Variants in KCNG3 observed in about 807,000 individuals in gnomAD.
The protein encoded by KCNG3 is potassium voltage-gated channel modifier subfamily G member 3.
Under a neutral mutation model 29.0 loss-of-function variants are expected in KCNG3, and 15 were observed. The observed-to-expected ratio is 0.52, with a 90% CI of 0.35 to 0.80. The LOEUF (loss-of-function observed/expected upper bound fraction) is 0.80, where lower values mean the gene tolerates loss of function less well. KCNG3 is among the 30% of genes least tolerant of loss of function. The pLI, the probability that KCNG3 is intolerant of heterozygous loss-of-function variation, is 0.01. For synonymous variants in KCNG3, 322 were observed against 248.9 expected, an observed-to-expected ratio of 1.29 and a Z score of -2.76; for missense variants, 512 against 605.7, an observed-to-expected ratio of 0.85 and a Z score of 1.62.
intron 1 of KCNG3, among the ~76,000 whole-genome samples, chr2:42,447,405 T>G (rs919674733): frequency 1.3e-4 from 20 of 152,308 alleles, no homozygotes; most frequent in Admixed American, 1.2e-3. Flanking sequence ...TCCAAATCAG[T>G]AAATAGAGAG....
Position 42,493,445 on chromosome 2 carries a change from C to T in KCNG3, c.57G>A (p.Arg19=). Residue 19 remains arginine, a synonymous_variant, in exon 1 of 2, where the codon CGG becomes CGA. Transcript: ENST00000306078. The part of the protein sequence containing the change: ...ASVVLNVGGA[R]YSLSRELLKD... The stretch of plus-strand genomic sequence containing the variant: ...TCAGCAGCTCCCGGGACAGCGAATA[C>T]CGGGCGCCGCCCACGTTCAGCACCA... The T allele has an allele frequency of 6.8e-7, 1 of 1,468,004 alleles. No individual in the cohort carries two copies. The highest frequency in any genetic ancestry group is 1.4e-5 in the South Asian group (1 of 71,688). The allele number at this position is 1,468,004 out of a possible 1,614,324, so 90.9% of individuals were successfully genotyped here.
chr2:42,437,580 C>T (rs1334933042), downstream of KCNG3, among the ~76,000 whole-genome samples: 3 of 151,988 alleles, frequency 2.0e-5, no homozygotes, highest in Admixed American at 6.6e-5. Context: ...AGTATAAAAG[C>T]GTGGATATGG....
At chr2:42,401,958 A>G in the KCNG3 span, among the ~76,000 whole-genome samples, 1 of 152,198 alleles carries the variant, frequency 6.6e-6, no homozygotes, top group African/African-American at 2.4e-5. Context: ...TTCTGTGTCA[A>G]CATGGCTGGG....
the KCNG3 span, among the ~76,000 whole-genome samples, chr2:42,407,796 C>G: frequency 1.3e-5 from 2 of 152,028 alleles, no homozygotes; most frequent in South Asian, 2.1e-4. Context: ...GAGCCCTGCC[C>G]TCCCTGGTGC....
chr2:42,426,473 T>C, the KCNG3 span, among the ~76,000 whole-genome samples: 1 of 152,204 alleles, frequency 6.6e-6, no homozygotes, highest in Non-Finnish European at 1.5e-5. Flanking sequence ...CCATTAAGGA[T>C]GACAGTTAAC....
intron 1 of KCNG3, among the ~76,000 whole-genome samples, chr2:42,480,900 T>G (rs1673565130): frequency 6.6e-6 from 1 of 151,980 alleles, no homozygotes. Context: ...TGTGCCTCAG[T>G]CTCCCTAGTA....
At chr2:42,473,866 G>A (rs780956815) in intron 1 of KCNG3, among the ~76,000 whole-genome samples, 2 of 151,964 alleles carry the variant, frequency 1.3e-5, no homozygotes, top group Non-Finnish European at 2.9e-5. Context: ...AATTATTCAG[G>A]TTAGGCCAGG....
intron 1 of KCNG3, among the ~76,000 whole-genome samples, chr2:42,472,528 C>T (rs1303780925): frequency 1.3e-5 from 2 of 150,492 alleles, no homozygotes; most frequent in Admixed American, 1.3e-4. Context: ...GAGACAAGGA[C>T]TCACGCTGTT....
At chr2:42,458,267 G>A (rs1448452966) in intron 1 of KCNG3, among the ~76,000 whole-genome samples, 1 of 152,116 alleles carries the variant, frequency 6.6e-6, no homozygotes, top group African/African-American at 2.4e-5. Context: ...TATTCCGTCG[G>A]ATCTCTTTTC....
At chr2:42,472,059 C>G (rs998508628) in intron 1 of KCNG3, among the ~76,000 whole-genome samples, 1 of 152,112 alleles carries the variant, frequency 6.6e-6, no homozygotes, top group Non-Finnish European at 1.5e-5. Flanking sequence ...CTCTGGAGAG[C>G]TATTTAGCAA....
Position 42,452,243 on chromosome 2 carries a change from A to ATATATATTTTTTTTT in KCNG3, c.666-7665_666-7664insAAAAAAAAATATATA. Reference sequence around the variant, plus strand: ...TAAATATATATATATATATATATATATTTTTTTTTTTTTTTTAAAGGAAAC... The same window carrying ATATATATTTTTTTTT: ...TAAATATATATATATATATATATATATATATATTTTTTTTTTTTTTTTTTTTTTTTTAAAGGAAAC... On this transcript the variant is annotated intron_variant, in intron 1 of 1. Coordinates refer to ENST00000306078, the MANE Select transcript of KCNG3 (RefSeq NM_133329.6). Among the ~76,000 whole-genome samples the ATATATATTTTTTTTT allele has an allele frequency of 1.4e-4, 13 of 95,050 alleles. No homozygotes were observed. In the East Asian group the frequency reaches 2.3e-3, roughly 17 times the overall value. The allele number at this position is 95,050 out of a possible 152,430, so 62.4% of individuals were successfully genotyped here.
chr2:42,459,849 A>T (rs1672971492), intron 1 of KCNG3, among the ~76,000 whole-genome samples: 2 of 151,826 alleles, frequency 1.3e-5, no homozygotes, highest in African/African-American at 2.4e-5. Flanking sequence ...GGTGGCGGAC[A>T]CCTGTAGTCC....
At chr2:42,400,452 T>C in the KCNG3 span, among the ~76,000 whole-genome samples, 1 of 152,116 alleles carries the variant, frequency 6.6e-6, no homozygotes, top group African/African-American at 2.4e-5. Flanking sequence ...CATCTGGACC[T>C]TGGAAAGATA....
intron 1 of KCNG3, among the ~76,000 whole-genome samples, chr2:42,485,798 C>G (rs181072004): frequency 2.0e-5 from 3 of 152,262 alleles, no homozygotes; most frequent in East Asian, 1.9e-4. Flanking sequence ...AAATGAGAAA[C>G]AGAACATTAA....
At chr2:42,414,088 A>G in the KCNG3 span, among the ~76,000 whole-genome samples, 1 of 152,222 alleles carries the variant, frequency 6.6e-6, no homozygotes, top group African/African-American at 2.4e-5. Flanking sequence ...AAATACACAC[A>G]CAAAAACTGT....
chr2:42,433,912 C>T, the KCNG3 span, among the ~76,000 whole-genome samples: 1 of 152,190 alleles, frequency 6.6e-6, no homozygotes, highest in Non-Finnish European at 1.5e-5. Flanking sequence ...CAAAAATAAA[C>T]TACTTTGGGA....
At chr2:42,431,571 C>T in the KCNG3 span, among the ~76,000 whole-genome samples, 1 of 152,130 alleles carries the variant, frequency 6.6e-6, no homozygotes, top group Non-Finnish European at 1.5e-5. Context: ...GCTAGTGGTG[C>T]TCTATCTAAG....
intron 1 of KCNG3, among the ~76,000 whole-genome samples, chr2:42,452,846 A>G (rs1472792606): frequency 6.6e-6 from 1 of 151,926 alleles, no homozygotes; most frequent in Non-Finnish European, 1.5e-5. Context: ...CAGTGGTGTG[A>G]TCTAGACTCA....
chr2:42,427,508 AG>A, the KCNG3 span, among the ~76,000 whole-genome samples: 1 of 151,812 alleles, frequency 6.6e-6, no homozygotes, highest in East Asian at 1.9e-4. Flanking sequence ...TGGGAGGCTG[AG>A]GTGGGAGCAT....
Sources: gnomAD v4.1 joint callset for allele counts (sites outside exome capture counted in the v4.1 genomes callset) on GRCh38, gnomAD v4.1.1 for gene constraint, MANE v1.5 for transcripts, NCBI Gene and HGNC (gene_info 2026-07-23, HGNC 2026-07-21) for gene names.